BRI3: variants seen among roughly 807,000 people sequenced by gnomAD.
The protein encoded by BRI3 is membrane protein BRI3.
Under a neutral mutation model 12.8 loss-of-function variants are expected in BRI3, and 6 were observed. That is an observed-to-expected ratio of 0.47 (90% CI 0.26 to 0.93). BRI3 has a LOEUF of 0.93. BRI3 is among the 40% of genes least tolerant of loss of function. The pLI is 0.15. For synonymous variants in BRI3, 91 were observed against 76.1 expected (o/e 1.20, Z -1.02); for missense variants, 134 against 171.1 (o/e 0.78, Z 1.21).
At chr7:98,320,480 G>A in the BRI3 span, among the ~76,000 whole-genome samples, 5 of 152,152 alleles carry the variant, frequency 3.3e-5, no homozygotes, top group Non-Finnish European at 7.3e-5. Flanking sequence ...GATTACAGGT[G>A]TGCATCACCA....
At chr7:98,320,294 A>G in the BRI3 span, 3 of 1,596,880 alleles carry the variant, frequency 1.9e-6, no homozygotes, top group Admixed American at 1.8e-5. Context: ...CTATGAGGAC[A>G]TGTCCTGGGA....
chr7:98,306,798 C>T, intron 1 of BRI3: 1 of 418,992 alleles, frequency 2.4e-6, no homozygotes, highest in Admixed American at 3.8e-5. Context: ...GCCTCGAACT[C>T]ATGGGCTCAA....
chr7:98,315,127 G>A (rs182347142), downstream of BRI3, among the ~76,000 whole-genome samples: 9 of 152,050 alleles, frequency 5.9e-5, no homozygotes, highest in Admixed American at 4.6e-4. Context: ...ATCTCTGTAC[G>A]TATGGACTGA....
chr7:98,311,130 A>AT (rs1311907748), downstream of BRI3, among the ~76,000 whole-genome samples: 7 of 151,974 alleles, frequency 4.6e-5, no homozygotes, highest in African/African-American at 7.3e-5. Flanking sequence ...TTTGATGCCT[A>AT]TTTTTTTTCC....
At chr7:98,295,970 G>C (rs1800171905), downstream of BRI3, among the ~76,000 whole-genome samples, 1 of 152,162 alleles carries the variant, frequency 6.6e-6, no homozygotes, top group South Asian at 2.1e-4. Flanking sequence ...CAACAATCCT[G>C]CTCCCTGTAG....
rs1799565107 is a variant in BRI3, at chr7:98,282,652, C to A, written c.245+199C>A. On this transcript the variant is annotated intron_variant, in intron 2 of 2. Transcript: ENST00000297290. ...GGGTCCGCTCACCCTTGGCTCTGAA[C>A]ACATTTTGTGGGGGCAAAAGGGTGG... 5.3e-6 allele frequency: 3 copies of A among 565,050 alleles called. No individual in the cohort carries two copies. In the East Asian group the frequency reaches 8.9e-5, roughly 17 times the overall value. The allele number at this position is 565,050 out of a possible 1,614,324, so 35.0% of individuals were successfully genotyped here. A position where few individuals can be genotyped will look rare whatever the true frequency, so the allele number is the denominator to read the frequency against.
chr7:98,323,069 T>C, the BRI3 span: 1 of 151,906 alleles, frequency 6.6e-6, no homozygotes, highest in Non-Finnish European at 1.5e-5. Flanking sequence ...GACAGAACCA[T>C]CCCAGCACTC....
the BRI3 span, among the ~76,000 whole-genome samples, chr7:98,321,118 C>T: frequency 2.0e-5 from 3 of 152,120 alleles, no homozygotes; most frequent in Non-Finnish European, 4.4e-5. Flanking sequence ...CTCAGCCTCC[C>T]AAAGTGCTGG....
chr7:98,297,613 G>A (rs568743452), downstream of BRI3, among the ~76,000 whole-genome samples: 44 of 152,284 alleles, frequency 2.9e-4, no homozygotes, highest in Non-Finnish European at 2.2e-4. Context: ...TCTGTGGCCC[G>A]GACTTGTCTT....
downstream of BRI3, chr7:98,310,461 CCT>C (rs1800825063): frequency 6.3e-7 from 1 of 1,597,216 alleles, no homozygotes. Context: ...AATTATTTAC[CCT>C]TTGTGAATTC....
At chr7:98,284,566 A>G (rs1799648625) in intron 2 of BRI3, among the ~76,000 whole-genome samples, 1 of 151,910 alleles carries the variant, frequency 6.6e-6, no homozygotes, top group Non-Finnish European at 1.5e-5. Context: ...ACAGGATACC[A>G]CTCACATGAC....
At chr7:98,290,281 C>T (rs867981545) in intron 2 of BRI3, among the ~76,000 whole-genome samples, 2 of 148,538 alleles carry the variant, frequency 1.3e-5, no homozygotes, top group Admixed American at 1.4e-4. Flanking sequence ...CTGCAAGCTC[C>T]GCTTCCTGGG....
exon 2 of BRI3, chr7:98,307,697 C>T (rs1490056705): frequency 5.0e-6 from 8 of 1,614,024 alleles, no homozygotes; most frequent in Admixed American, 1.7e-5. Context: ...ACGCCTTGGA[C>T]ACGTCGTGTT....
upstream of BRI3, among the ~76,000 whole-genome samples, chr7:98,303,633 C>T (rs570386647): frequency 1.1e-4 from 16 of 152,286 alleles, no homozygotes; most frequent in South Asian, 4.1e-4. Flanking sequence ...GGCCTCTGTG[C>T]GGTGGCGGGA....
chr7:98,315,647 A>AATAAT, the BRI3 span: 2 of 1,063,060 alleles, frequency 1.9e-6, no homozygotes, highest in Non-Finnish European at 2.4e-6. Context: ...TAATAATTAT[A>AATAAT]TAAGCATGAC....
downstream of BRI3, among the ~76,000 whole-genome samples, chr7:98,315,145 A>G (rs2116887157): frequency 6.6e-6 from 1 of 152,292 alleles, no homozygotes; most frequent in East Asian, 1.9e-4. Flanking sequence ...TGATTGAGAC[A>G]GGGTCCCGCT....
exon 2 of BRI3, chr7:98,308,364 C>A: frequency 2.3e-6 from 1 of 444,112 alleles, no homozygotes; most frequent in Non-Finnish European, 4.5e-6. Flanking sequence ...GCTGGCCGCT[C>A]AGCTTCTCAC....
rs374532464 is a variant in BRI3 at position 98,282,431 on chromosome 7, G to A, written c.223G>A (p.Val75Ile). ...TRYPANSIVVVGGCPVCRVGV... is the reference protein window; with the variant it reads ...TRYPANSIVVIGGCPVCRVGV... ...CTATCCTGCCAACTCTATCGTGGTC[G>A]TAGGAGGCTGTCCTGTCTGCAGGTG... Residue 75 changes from valine to isoleucine, a missense_variant, in exon 2 of 3, where the codon GTA (valine) becomes ATA (isoleucine). Coordinates refer to ENST00000297290, the MANE Select transcript of BRI3 (RefSeq NM_015379.5). The A allele has an allele frequency of 1.2e-5, 20 of 1,613,884 alleles. No homozygotes were observed. Among genetic ancestry groups the A allele is most frequent in the Non-Finnish European group, 1.6e-5 (19 of 1,179,956 alleles).
At chr7:98,296,248 C>CCTG (rs1221259668), downstream of BRI3, among the ~76,000 whole-genome samples, 1 of 152,220 alleles carries the variant, frequency 6.6e-6, no homozygotes, top group Admixed American at 6.5e-5. Context: ...CCGGGAACGT[C>CCTG]CTGCTGGGTA....
Sources: allele counts gnomAD v4.1 joint callset (sites outside exome capture counted in the v4.1 genomes callset), GRCh38; gene constraint gnomAD v4.1.1; transcripts MANE v1.5; gene names NCBI Gene and HGNC (gene_info 2026-07-23, HGNC 2026-07-21).